The following FBN1 variants were observed in gnomAD, a reference collection of about 807,000 sequenced individuals.
FBN1 encodes fibrillin 1.
In FBN1, 29 loss-of-function variants were observed where a neutral mutation model predicts 365.1. The observed-to-expected ratio is 0.08, with a 90% CI of 0.06 to 0.11. FBN1 has a LOEUF of 0.11. Ranked by LOEUF, FBN1 falls within the 10% of genes least tolerant of loss-of-function variation. The pLI is 1.00. For synonymous variants in FBN1, 1,210 were observed against 1,270.5 expected (o/e 0.95, Z 1.01); for missense variants, 2,476 against 3,703.2 (o/e 0.67, Z 8.60).
rs1372383251 is a variant in FBN1, at chr15:48,412,596, T to A, written c.8199A>T (p.Thr2733=). The part of the protein sequence containing the change: ...YPKRGRKRRS[T]NETDASNIED... ...CGATATTGGAGGCATCAGTTTCGTT[T>A]GTGCTTCTCCGTTTCCTGCCCCGTT... is the stretch of plus-strand genomic sequence containing the variant. Residue 2733 remains threonine (T), a synonymous_variant, in exon 65 of 66, where the codon ACA becomes ACT. Coordinates refer to ENST00000316623, the MANE Select transcript of FBN1 (RefSeq NM_000138.5). 2 of 1,614,098 alleles carry A rather than the reference T, an allele frequency of 1.2e-6. No individual in the cohort carries two copies. Among genetic ancestry groups the A allele is most frequent in the African/African-American group, 1.3e-5 (1 of 74,936 alleles).
intron 6 of FBN1, among the ~76,000 whole-genome samples, chr15:48,583,606 T>C (rs2044413518): frequency 6.6e-6 from 1 of 152,234 alleles, no homozygotes; most frequent in Non-Finnish European, 1.5e-5. Context: ...AAGTACCTCT[T>C]ATATTTCGTT....
At chr15:48,479,003 T>C (rs1404385427) in intron 32 of FBN1, among the ~76,000 whole-genome samples, 2 of 152,208 alleles carry the variant, frequency 1.3e-5, no homozygotes, top group African/African-American at 4.8e-5. Flanking sequence ...ATTCTTTTCA[T>C]TAAACAATAA....
chr15:48,453,031 C>A (rs35103345), intron 44 of FBN1, among the ~76,000 whole-genome samples: 6 of 152,006 alleles, frequency 3.9e-5, no homozygotes, highest in Non-Finnish European at 7.4e-5. Flanking sequence ...CTAAGGCGGG[C>A]GGATCACCTG....
intron 6 of FBN1, among the ~76,000 whole-genome samples, chr15:48,588,959 A>G (rs1447929576): frequency 6.6e-6 from 1 of 152,194 alleles, no homozygotes; most frequent in Admixed American, 6.5e-5. Flanking sequence ...TGCTTGGACA[A>G]TGGTTCCAAT....
At chr15:48,557,236 G>A (rs183849544) in intron 6 of FBN1, among the ~76,000 whole-genome samples, 4 of 152,214 alleles carry the variant, frequency 2.6e-5, no homozygotes, top group South Asian at 2.1e-4. Flanking sequence ...AGAACAGCTC[G>A]TCACTTCATA....
rs752880626 is a variant in FBN1 at position 48,472,675 on chromosome 15, G to A, written c.4212C>T (p.Asp1404=). 2 of 1,614,114 alleles carry A rather than the reference G, an allele frequency of 1.2e-6. No individual in the cohort carries two copies. Among genetic ancestry groups the A allele is most frequent in the East Asian group, 4.5e-5 (2 of 44,878 alleles). ...TCAGGTTCTCAGAGCACTCATCAAGGTCTACAGCCAGAAAGAAACACACGT... is the reference window on the plus strand; with the variant it reads ...TCAGGTTCTCAGAGCACTCATCAAGATCTACAGCCAGAAAGAAACACACGT... ...GYTGDGFTCT[D]LDECSENLNL... Residue 1404 remains aspartate, a splice_region_variant and synonymous_variant, in exon 35 of 66, where the codon GAC becomes GAT. Transcript: ENST00000316623.
At chr15:48,638,700 T>C (rs910458105) in intron 2 of FBN1, among the ~76,000 whole-genome samples, 24 of 150,070 alleles carry the variant, frequency 1.6e-4, no homozygotes, top group African/African-American at 5.9e-4. Flanking sequence ...GGTTAAAAAA[T>C]GAAAAAGAAA....
intron 51 of FBN1, 150 bp from the exon 52 acceptor site, chr15:48,437,537 C>G (rs746574614): frequency 2.5e-5 from 21 of 836,328 alleles, no homozygotes; most frequent in Non-Finnish European, 3.7e-5. Context: ...AGTTATTTAA[C>G]GAGACTCCCT....
chr15:48,530,395 C>T (rs555265978), intron 8 of FBN1, among the ~76,000 whole-genome samples: 1 of 152,332 alleles, frequency 6.6e-6, no homozygotes, highest in East Asian at 1.9e-4. Flanking sequence ...AAAGAACCCC[C>T]ACATAGCATC....
intron 8 of FBN1, among the ~76,000 whole-genome samples, chr15:48,531,605 G>A (rs1397245429): frequency 6.6e-6 from 1 of 152,128 alleles, no homozygotes; most frequent in East Asian, 1.9e-4. Context: ...GTGATTACGG[G>A]CCAGACTTCC....
chr15:48,572,208 C>A (rs917873489), intron 6 of FBN1, among the ~76,000 whole-genome samples: 46 of 152,012 alleles, frequency 3.0e-4, no homozygotes, highest in African/African-American at 9.4e-4. Flanking sequence ...ATCAGGATTT[C>A]TTAAGTAAAG....
intron 2 of FBN1, among the ~76,000 whole-genome samples, chr15:48,619,327 C>T (rs1889721577): frequency 6.6e-6 from 1 of 152,058 alleles, no homozygotes; most frequent in African/African-American, 2.4e-5. Flanking sequence ...TGAAAAGGAA[C>T]AGAATGAATA....
At position 48,608,761 on chromosome 15, in the gene FBN1, T is replaced by C. The variant is rs369497049; in HGVS notation, c.346+1967A>G. Among the ~76,000 whole-genome samples, 8 of 152,154 alleles carry C rather than the reference T, an allele frequency of 5.3e-5. No individual in the cohort carries two copies. The South Asian group carries it at 1.0e-3, about 20-fold the overall frequency. ...CAGTCTTGGATTTTAGTCTCTAGAC[T>C]AAATCTGGCCCCAGGACCTTACTAC... On this transcript the variant is annotated intron_variant, in intron 4 of 65. Coordinates refer to ENST00000316623, the MANE Select transcript of FBN1 (RefSeq NM_000138.5).
chr15:48,645,185 A>T (rs2140789124), intron 1 of FBN1, among the ~76,000 whole-genome samples: 1 of 152,322 alleles, frequency 6.6e-6, no homozygotes, highest in Non-Finnish European at 1.5e-5. Context: ...CGCGGCGCAA[A>T]GTACCCATAT....
intron 2 of FBN1, among the ~76,000 whole-genome samples, chr15:48,640,577 A>G (rs1002862707): frequency 6.6e-6 from 1 of 152,224 alleles, no homozygotes; most frequent in African/African-American, 2.4e-5. Flanking sequence ...ATAATCTACC[A>G]TGGGTATGAA....
In FBN1 at chr15:48,495,466, T is replaced by C. The variant is rs1259478194; in HGVS notation, c.2539+3A>G. ...GAAAAATCATTCTCAGAAAGATAAA[T>C]ACCTATGCAGATGGTTTTTGTTGGA... is the stretch of plus-strand genomic sequence containing the variant. On this transcript the variant is annotated splice_donor_region_variant and intron_variant, in intron 21 of 65. Transcript: ENST00000316623. 1.2e-6 allele frequency: 2 copies of C among 1,613,708 alleles called. No individual in the cohort carries two copies. Among genetic ancestry groups the C allele is most frequent in the African/African-American group, 1.3e-5 (1 of 74,900 alleles).
intron 6 of FBN1, among the ~76,000 whole-genome samples, chr15:48,543,932 TAATA>T (rs1372257128): frequency 6.6e-6 from 1 of 151,812 alleles, no homozygotes; most frequent in East Asian, 1.9e-4. Flanking sequence ...TGTAAATAAA[TAATA>T]AATACATATT....
chr15:48,583,238 C>T (rs1164433341), intron 6 of FBN1, among the ~76,000 whole-genome samples: 2 of 152,216 alleles, frequency 1.3e-5, no homozygotes, highest in Non-Finnish European at 1.5e-5. Context: ...CGTCTTAGAA[C>T]AATTTCTTTT....
At chr15:48,616,054 T>C (rs1158803223) in intron 2 of FBN1, among the ~76,000 whole-genome samples, 1 of 152,244 alleles carries the variant, frequency 6.6e-6, no homozygotes, top group African/African-American at 2.4e-5. Context: ...AACTAGACTT[T>C]CGAAGTATGA....
Sources: allele counts gnomAD v4.1 joint callset (sites outside exome capture counted in the v4.1 genomes callset), GRCh38; gene constraint gnomAD v4.1.1; transcripts MANE v1.5; gene names NCBI Gene and HGNC (gene_info 2026-07-23, HGNC 2026-07-21).